Variants in IQGAP1 observed in about 807,000 individuals in gnomAD.
The protein encoded by IQGAP1 is ras GTPase-activating-like protein IQGAP1.
Under a neutral mutation model 215.6 loss-of-function variants are expected in IQGAP1, and 66 were observed. The ratio of observed to expected loss-of-function variants is 0.31; its 90% CI spans 0.25 to 0.38. The LOEUF (loss-of-function observed/expected upper bound fraction) is 0.38, where lower values mean the gene tolerates loss of function less well. Among genes scored for constraint, IQGAP1 ranks in the 10% least tolerant of loss-of-function variants. The pLI is 1.00. For missense variants in IQGAP1, 1,712 were observed against 1,997.1 expected (o/e 0.86, Z 2.72); for synonymous variants, 772 against 728.7 (o/e 1.06, Z -0.96).
chr15:90,483,250 A>AT (rs1462900444), intron 28 of IQGAP1, 111 bp from the exon 29 acceptor site: 29 of 717,530 alleles, frequency 4.0e-5, no homozygotes, highest in Non-Finnish European at 6.5e-5. Flanking sequence ...TTTTTTATTT[A>AT]TTTTTTCCTC....
At chr15:90,388,480 CG>C in intron 1 of IQGAP1, 84 bp downstream of exon 1, 2 of 272,664 alleles carry the variant, frequency 7.3e-6, no homozygotes, top group Non-Finnish European at 1.4e-5. Flanking sequence ...CTCGGCCGGG[CG>C]GGTGGGGCAG....
chr15:90,402,239 C>T (rs1964814704), intron 2 of IQGAP1, among the ~76,000 whole-genome samples: 1 of 152,198 alleles, frequency 6.6e-6, no homozygotes, highest in Admixed American at 6.5e-5. Context: ...TCTTCATAAC[C>T]TGGTATCTGC....
At chr15:90,427,786 A>G (rs915102273) in intron 3 of IQGAP1, among the ~76,000 whole-genome samples, 4 of 152,156 alleles carry the variant, frequency 2.6e-5, no homozygotes, top group South Asian at 2.1e-4. Context: ...TTTCTTGTCT[A>G]CAGAGGTTAC....
intron 16 of IQGAP1, 47 bp downstream of exon 16, chr15:90,466,138 C>A (rs1965827581): frequency 6.3e-7 from 1 of 1,590,784 alleles, no homozygotes; most frequent in African/African-American, 1.3e-5. Flanking sequence ...GCTGGGGTGA[C>A]AAGGTGCTCC....
intron 5 of IQGAP1, 68 bp downstream of exon 5, chr15:90,433,863 A>G (rs1965335479): frequency 1.1e-6 from 1 of 911,198 alleles, no homozygotes; most frequent in South Asian, 1.7e-5. Flanking sequence ...GTAGTTTTTT[A>G]TCCTTGAGGT....
intron 7 of IQGAP1, 54 bp downstream of exon 7, chr15:90,440,669 ATAAT>A (rs1567126958): frequency 8.1e-6 from 9 of 1,106,376 alleles, no homozygotes; most frequent in East Asian, 2.6e-5. Flanking sequence ...ACTATTTCCA[ATAAT>A]TAATTCTATA....
chr15:90,449,513 T>A lies in IQGAP1; in HGVS notation c.1078-46T>A, dbSNP rs761289537. The A allele has an allele frequency of 7.4e-6, 11 of 1,476,836 alleles. No individual in the cohort carries two copies. The African/African-American group carries it at 9.7e-5, about 13-fold the overall frequency. The allele number at this position is 1,476,836 out of a possible 1,614,324, so 91.5% of individuals were successfully genotyped here. A position where few individuals can be genotyped will look rare whatever the true frequency, so the allele number is the denominator to read the frequency against. On this transcript the variant is annotated intron_variant, in intron 10 of 37. Transcript: ENST00000268182. ...GAGATGAGAACCTTAAGGCCTGGAG[T>A]CATAGGAATGAGTAATCTTTACATA... is the stretch of plus-strand genomic sequence containing the variant.
chr15:90,389,352 T>A (rs886994056), intron 1 of IQGAP1, among the ~76,000 whole-genome samples: 2 of 151,332 alleles, frequency 1.3e-5, no homozygotes, highest in African/African-American at 2.4e-5. Flanking sequence ...TTTTTTTTTT[T>A]TTTTTTTGGA....
At position 90,440,612 on chromosome 15, in the gene IQGAP1, G is replaced by T. The variant is rs772573837; in HGVS notation, c.646G>T (p.Ala216Ser). 6.4e-7 allele frequency: 1 copy of T among 1,554,610 alleles called. No individual in the cohort carries two copies. The highest frequency in any genetic ancestry group is 1.7e-4 in the Middle Eastern group (1 of 5,978). The change falls in exon 7 of 38, where the codon GCA becomes TCA. Residue 216 changes from alanine to serine, a missense_variant. Coordinates refer to ENST00000268182, the MANE Select transcript of IQGAP1 (RefSeq NM_003870.4). Reference sequence around the variant, plus strand: ...TAATGAACTGTCAGTGGATGAAGCCGCATGTAAGAAGAGAGAAATTTTGTG... The same window carrying T: ...TAATGAACTGTCAGTGGATGAAGCCTCATGTAAGAAGAGAGAAATTTTGTG... Reference protein sequence around the residue: ...LANELSVDEAALHAAVIAINE... With the variant: ...LANELSVDEASLHAAVIAINE...
chr15:90,389,686 G>A (rs996510770), intron 1 of IQGAP1, among the ~76,000 whole-genome samples: 1 of 151,710 alleles, frequency 6.6e-6, no homozygotes, highest in Non-Finnish European at 1.5e-5. Context: ...CAGGCATAGT[G>A]ACTCCTGCGT....
chr15:90,481,980 C>T lies in IQGAP1; in HGVS notation c.3350C>T (p.Thr1117Ile). ...CCCAGCAAACTGCCCTATGATGTGA[C>T]CCCTGAGCAGGCGCTAGCTCATGAA... ...GEASKLPYDVTPEQALAHEEV... is the reference protein window; with the variant it reads ...GEASKLPYDVIPEQALAHEEV... Residue 1117 changes from threonine (T) to isoleucine (I), a missense_variant, in exon 27 of 38, where the codon ACC becomes ATC. Coordinates refer to ENST00000268182, the MANE Select transcript of IQGAP1 (RefSeq NM_003870.4). 1 of 1,614,206 alleles carries T rather than the reference C, an allele frequency of 6.2e-7. No homozygotes were observed. Among genetic ancestry groups the T allele is most frequent in the Non-Finnish European group, 8.5e-7 (1 of 1,180,046 alleles).
In IQGAP1 at chr15:90,438,881, C is replaced by T. The variant is rs113745016; in HGVS notation, c.468-451C>T. ...CTGGGATTACAGGCACATGCCACCA[C>T]GCCTGGCTAATTTTTGTATTTTTAG... is the stretch of plus-strand genomic sequence containing the variant. On this transcript the variant is annotated intron_variant, in intron 5 of 37. Transcript: ENST00000268182. Among the ~76,000 whole-genome samples the T allele has an allele frequency of 1.4e-4, 21 of 152,052 alleles. 1 individual carries two copies. The highest frequency in any genetic ancestry group is 5.8e-4 in the East Asian group (3 of 5,154).
chr15:90,404,782 T>A (rs1281636834), intron 2 of IQGAP1, among the ~76,000 whole-genome samples: 1 of 152,122 alleles, frequency 6.6e-6, no homozygotes, highest in East Asian at 1.9e-4. Flanking sequence ...GGTTTTGCCA[T>A]GTTGGCCAGG....
chr15:90,491,339 G>A lies in IQGAP1; in HGVS notation c.4255G>A (p.Glu1419Lys), dbSNP rs978944968. ...ETPATSEQEA[E>K]HQRAMQRRAI... is the part of the protein sequence containing the mutation. ...TTCTTTTTCCCATCCGTAGGAAGCA[G>A]AACATCAGAGAGCCATGCAGAGACG... Residue 1419 changes from glutamate (E) to lysine (K), a missense_variant, in exon 34 of 38, where the codon GAA becomes AAA. By Grantham distance (56) the Glu-to-Lys change is moderately conservative. This residue lies in a region of IQGAP1 where 691 missense variants were observed against 923.0 expected (regional missense o/e 0.75). Coordinates refer to ENST00000268182, the MANE Select transcript of IQGAP1 (RefSeq NM_003870.4). 1.2e-6 allele frequency: 2 copies of A among 1,613,870 alleles called. No homozygotes were observed. The highest frequency in any genetic ancestry group is 2.2e-5 in the East Asian group (1 of 44,876).
At chr15:90,461,191 G>A (rs910356172) in intron 15 of IQGAP1, among the ~76,000 whole-genome samples, 5 of 151,384 alleles carry the variant, frequency 3.3e-5, no homozygotes, top group African/African-American at 4.9e-5. Flanking sequence ...ACCTGTAATC[G>A]CAGCTACCCA....
chr15:90,470,322 C>T (rs1026345763), intron 18 of IQGAP1, among the ~76,000 whole-genome samples: 6 of 152,114 alleles, frequency 3.9e-5, no homozygotes, highest in African/African-American at 1.2e-4. Flanking sequence ...TCATCCTCTC[C>T]CAGTTCCTTG....
chr15:90,456,622 C>T (rs1965684033), intron 15 of IQGAP1, among the ~76,000 whole-genome samples: 1 of 151,560 alleles, frequency 6.6e-6, no homozygotes, highest in Non-Finnish European at 1.5e-5. Context: ...CCTTGTAATC[C>T]CACAGCACTT....
intron 15 of IQGAP1, among the ~76,000 whole-genome samples, chr15:90,463,596 C>T (rs1333185562): frequency 2.0e-5 from 3 of 152,126 alleles, no homozygotes; most frequent in African/African-American, 4.8e-5. Context: ...GGTGTGTGGT[C>T]ATTTTCTATT....
chr15:90,441,955 G>T (rs1965456561), intron 8 of IQGAP1, among the ~76,000 whole-genome samples: 1 of 152,040 alleles, frequency 6.6e-6, no homozygotes, highest in Non-Finnish European at 1.5e-5. Flanking sequence ...TGCTGCCATT[G>T]ACCTTTTTAA....
Sources: gnomAD v4.1 joint callset for allele counts (sites outside exome capture counted in the v4.1 genomes callset) on GRCh38, gnomAD v4.1.1 for gene constraint, gnomAD v4.1.1 regional missense constraint, MANE v1.5 for transcripts, NCBI Gene and HGNC (gene_info 2026-07-23, HGNC 2026-07-21) for gene names.